The following CBR4 variants were observed in gnomAD, a reference collection of about 807,000 sequenced individuals.
CBR4 encodes the protein 3-oxoacyl-[acyl-carrier-protein] reductase.
CBR4 carries 22 observed loss-of-function variants against 21.0 expected under a neutral mutation model. That is an observed-to-expected ratio of 1.05 (90% CI 0.75 to 1.50). The LOEUF (loss-of-function observed/expected upper bound fraction) is 1.50, where lower values mean the gene tolerates loss of function less well. CBR4 is among the 40% of genes most tolerant of loss of function. CBR4 has a pLI of 0.00. For missense variants in CBR4, 302 were observed against 286.3 expected, an observed-to-expected ratio of 1.05 and a Z score of -0.40; for synonymous variants, 100 against 104.4, an observed-to-expected ratio of 0.96 and a Z score of 0.26.
chr4:168,994,581 TTTTGC>T (rs1412756646), intron 4 of CBR4, among the ~76,000 whole-genome samples: 1 of 152,050 alleles, frequency 6.6e-6, no homozygotes, highest in Admixed American at 6.6e-5. Context: ...GTTTTTTCTT[TTTTGC>T]TTTTTTTCTT....
chr4:168,993,651 A>G (rs1381782339), intron 4 of CBR4, among the ~76,000 whole-genome samples: 1 of 152,262 alleles, frequency 6.6e-6, no homozygotes, highest in Non-Finnish European at 1.5e-5. Flanking sequence ...AGACACAATT[A>G]TCCTTTAAGT....
rs372708613 is a variant in CBR4, at chr4:168,915,926, G to A, written n.170-21161C>T. On this transcript the variant is annotated intron_variant and non_coding_transcript_variant, in intron 2 of 3. Coordinates refer to the CBR4 transcript ENST00000509108. ...TTCTAGATCAAGGGACAGTGGAGAC[G>A]AAAATGAACCAATTCAGGAGCGATT... is the stretch of plus-strand genomic sequence containing the variant. 4.6e-5 allele frequency: 75 copies of A among 1,613,112 alleles called. No homozygotes were observed. The highest frequency in any genetic ancestry group is 2.3e-4 in the African/African-American group (17 of 74,884).
chr4:168,955,053 G>A (rs1763644790), intron 2 of CBR4, among the ~76,000 whole-genome samples: 1 of 152,162 alleles, frequency 6.6e-6, no homozygotes, highest in South Asian at 2.1e-4. Context: ...TACTGTGCAG[G>A]CAAGGAAAAG....
chr4:168,922,930 C>T (rs572208769), intron 2 of CBR4, among the ~76,000 whole-genome samples: 10 of 152,266 alleles, frequency 6.6e-5, no homozygotes, highest in Non-Finnish European at 1.0e-4. Flanking sequence ...CGGCTCTTGT[C>T]GATTTTACTA....
intron 2 of CBR4, among the ~76,000 whole-genome samples, chr4:168,980,766 G>A (rs1347239091): frequency 6.6e-6 from 1 of 152,112 alleles, no homozygotes; most frequent in Non-Finnish European, 1.5e-5. Context: ...ATTCAACAGA[G>A]TTGGCTCTCT....
chr4:168,905,452 A>T (rs1257303165), intron 2 of CBR4, among the ~76,000 whole-genome samples: 1 of 151,218 alleles, frequency 6.6e-6, no homozygotes, highest in African/African-American at 2.4e-5. Context: ...CCGGCCTGAG[A>T]CTCTGTTTCT....
chr4:169,001,592 T>C (rs1730444585), intron 4 of CBR4: 1 of 152,344 alleles, frequency 6.6e-6, no homozygotes, highest in Non-Finnish European at 1.5e-5. Context: ...TCCTCATGAA[T>C]AGCTTGGTGC....
chr4:168,900,082 C>T (rs1215185402), intron 2 of CBR4, among the ~76,000 whole-genome samples: 5 of 152,158 alleles, frequency 3.3e-5, no homozygotes. Context: ...GTAGGAGCAA[C>T]AGAGAGAAGT....
intron 2 of CBR4, among the ~76,000 whole-genome samples, chr4:168,953,936 T>C (rs536235621): frequency 1.2e-4 from 18 of 152,234 alleles, no homozygotes; most frequent in African/African-American, 4.3e-4. Context: ...CAGGATGCTA[T>C]AGATAAGGAA....
At chr4:168,980,043 C>G (rs890389231) in intron 2 of CBR4, among the ~76,000 whole-genome samples, 1 of 152,136 alleles carries the variant, frequency 6.6e-6, no homozygotes, top group Admixed American at 6.5e-5. Flanking sequence ...TTCTGATGGA[C>G]AATGGCTATG....
intron 2 of CBR4, among the ~76,000 whole-genome samples, chr4:168,946,091 A>G (rs749134042): frequency 1.3e-5 from 2 of 152,178 alleles, no homozygotes; most frequent in Non-Finnish European, 2.9e-5. Flanking sequence ...TGCATAGGAG[A>G]CGGAACCTTA....
At chr4:168,992,781 T>A (rs1425504573) in intron 4 of CBR4, among the ~76,000 whole-genome samples, 2 of 152,220 alleles carry the variant, frequency 1.3e-5, no homozygotes, top group Non-Finnish European at 2.9e-5. Flanking sequence ...ATATATATAT[T>A]ATTTTTGTAT....
chr4:168,940,092 A>G (rs1359999598), intron 2 of CBR4, among the ~76,000 whole-genome samples: 1 of 152,232 alleles, frequency 6.6e-6, no homozygotes, highest in African/African-American at 2.4e-5. Context: ...CAAAACAGAT[A>G]TATAGACCAA....
intron 2 of CBR4, among the ~76,000 whole-genome samples, chr4:168,939,828 AG>A (rs1168291846): frequency 6.6e-6 from 1 of 152,250 alleles, no homozygotes; most frequent in Non-Finnish European, 1.5e-5. Flanking sequence ...GCTCATGGAT[AG>A]GAAGAATCAA....
chr4:168,901,116 C>T (rs906612759), intron 2 of CBR4, among the ~76,000 whole-genome samples: 1 of 151,918 alleles, frequency 6.6e-6, no homozygotes, highest in Non-Finnish European at 1.5e-5. Flanking sequence ...TCCCTCCTTC[C>T]TCTCCCTCAA....
chr4:168,910,660 C>T (rs530886277), intron 2 of CBR4, among the ~76,000 whole-genome samples: 1 of 152,170 alleles, frequency 6.6e-6, no homozygotes, highest in South Asian at 2.1e-4. Context: ...CATAAGAACC[C>T]ATTAGGTATT....
At chr4:168,937,405 A>G (rs890150116) in intron 2 of CBR4, among the ~76,000 whole-genome samples, 4 of 152,180 alleles carry the variant, frequency 2.6e-5, no homozygotes, top group African/African-American at 9.7e-5. Context: ...TGCATCAACT[A>G]ACGGGCAAAA....
chr4:168,911,908 T>C (rs1759044301), intron 2 of CBR4, among the ~76,000 whole-genome samples: 1 of 152,110 alleles, frequency 6.6e-6, no homozygotes, highest in Non-Finnish European at 1.5e-5. Flanking sequence ...ATAAAACTAG[T>C]TATGTTTGTT....
intron 4 of CBR4, among the ~76,000 whole-genome samples, chr4:168,996,246 G>A (rs1446576592): frequency 6.6e-6 from 1 of 152,136 alleles, no homozygotes; most frequent in Non-Finnish European, 1.5e-5. Flanking sequence ...TTTCCTCTTT[G>A]ATTATGTTAT....
Sources: allele counts gnomAD v4.1 joint callset (sites outside exome capture counted in the v4.1 genomes callset), GRCh38; gene constraint gnomAD v4.1.1; transcripts MANE v1.5; gene names NCBI Gene and HGNC (gene_info 2026-07-23, HGNC 2026-07-21).